The following PDGFRL variants were observed in gnomAD, a reference collection of about 807,000 sequenced individuals.
PDGFRL encodes platelet-derived growth factor receptor-like protein.
A neutral mutation model predicts 37.2 loss-of-function variants in PDGFRL; 46 were observed. The observed-to-expected ratio is 1.24, with a 90% confidence interval of 0.98 to 1.58. The LOEUF (loss-of-function observed/expected upper bound fraction) is 1.58, where lower values mean the gene tolerates loss of function less well. Among genes scored for constraint, PDGFRL ranks in the 40% most tolerant of loss-of-function variants. The pLI is 0.00. For synonymous variants in PDGFRL, 251 were observed against 184.3 expected, an observed-to-expected ratio of 1.36 and a Z score of -2.93; for missense variants, 692 against 467.6, an observed-to-expected ratio of 1.48 and a Z score of -4.43.
At position 17,621,068 on chromosome 8, in the gene PDGFRL, G is replaced by T. The variant is rs117978645; in HGVS notation, c.371G>T (p.Arg124Leu). The T allele has an allele frequency of 1.2e-6, 2 of 1,608,208 alleles. No homozygotes were observed. The highest frequency in any genetic ancestry group is 1.7e-6 in the Non-Finnish European group (2 of 1,176,098). Residue 124 changes from arginine (R) to leucine (L), a missense_variant, in exon 3 of 6, where the codon CGC becomes CTC. Arg to Leu is a moderately radical substitution (Grantham distance 102, BLOSUM62 -2). Transcript: ENST00000251630. ...ATTCCTAGCGTCAAGCAGAATGAGC[G>T]CTACGGCCAGTTGACTCTGGTCAAC... ...DSRLSVKQNE[R>L]YGQLTLVNST...
intron 1 of PDGFRL, among the ~76,000 whole-genome samples, chr8:17,583,683 C>G (rs367849744): frequency 1.7e-4 from 26 of 152,216 alleles, no homozygotes; most frequent in African/African-American, 5.8e-4. Flanking sequence ...GGGGTGGACC[C>G]CTCATGAATG....
At chr8:17,616,846 C>A (rs984751309) in intron 2 of PDGFRL, among the ~76,000 whole-genome samples, 3 of 152,180 alleles carry the variant, frequency 2.0e-5, no homozygotes, top group African/African-American at 7.2e-5. Flanking sequence ...GAATCATTAT[C>A]TTGTAACCCA....
In PDGFRL at chr8:17,589,668, C is replaced by A. The variant is rs1803891740; in HGVS notation, c.256C>A (p.Leu86Met). Residue 86 changes from leucine (L) to methionine (M), a missense_variant, in exon 2 of 6, where the codon CTG (leucine) becomes ATG (methionine). By Grantham distance (15) the Leu-to-Met change is conservative (BLOSUM62 2). Coordinates refer to ENST00000251630, the MANE Select transcript of PDGFRL (RefSeq NM_001372073.1). The part of the protein sequence containing the change: ...RFQKPAATLS[L>M]LAGQTVELRC... ...CCAGAAACCCGCCGCTACCCTGAGTCTGCTGGCGGGGCAAACTGTAGAGCT... is the reference window on the plus strand; with the variant it reads ...CCAGAAACCCGCCGCTACCCTGAGTATGCTGGCGGGGCAAACTGTAGAGCT... The A allele has an allele frequency of 6.2e-7, 1 of 1,613,042 alleles. No individual in the cohort carries two copies. Among genetic ancestry groups the A allele is most frequent in the Non-Finnish European group, 8.5e-7 (1 of 1,179,124 alleles).
rs150807285 is a variant in PDGFRL at position 17,588,007 on chromosome 8, G to A, written c.56-1461G>A. 1.7e-3 allele frequency among the ~76,000 whole-genome samples: 259 copies of A among 152,134 alleles called. 1 individual carries two copies. In the Middle Eastern group the frequency reaches 0.02, roughly 12 times the overall value. ...GGCTTAGCTGAGATTTTTAGAGTCC[G>A]GTGGCCCACCACAGGCAGAACAGTG... On this transcript the variant is annotated intron_variant, in intron 1 of 5. Coordinates refer to ENST00000251630, the MANE Select transcript of PDGFRL (RefSeq NM_001372073.1).
At chr8:17,625,585 T>C (rs1804717809) in intron 3 of PDGFRL, among the ~76,000 whole-genome samples, 1 of 152,246 alleles carries the variant, frequency 6.6e-6, no homozygotes, top group Non-Finnish European at 1.5e-5. Context: ...ACTTCAACAC[T>C]TTGTTATTGT....
chr8:17,626,893 G>C (rs978985875), intron 3 of PDGFRL, among the ~76,000 whole-genome samples: 4 of 152,180 alleles, frequency 2.6e-5, no homozygotes, highest in African/African-American at 7.2e-5. Context: ...ACCAGGCAGA[G>C]TAATTTCAGA....
Position 17,621,159 on chromosome 8 carries a change from G to T in PDGFRL, c.462G>T (p.Arg154Ser), listed in dbSNP as rs199746486. 4 of 1,611,298 alleles carry T rather than the reference G, an allele frequency of 2.5e-6. No homozygotes were observed. Among genetic ancestry groups the T allele is most frequent in the Middle Eastern group, 3.3e-4 (2 of 6,032 alleles). Reference protein sequence around the residue: ...WVQLCSGYICRKDEAKTGSTY... With the variant: ...WVQLCSGYICSKDEAKTGSTY... ...AGCTCTGCAGCGGCTACATCTGCAGGAAGGACGAGGCCAAAACGGGCTCCA... is the reference window on the plus strand; with the variant it reads ...AGCTCTGCAGCGGCTACATCTGCAGTAAGGACGAGGCCAAAACGGGCTCCA... Residue 154 changes from arginine to serine, a missense_variant, in exon 3 of 6, where the codon AGG becomes AGT. Transcript: ENST00000251630.
At chr8:17,613,202 C>T (rs1428765918) in intron 2 of PDGFRL, among the ~76,000 whole-genome samples, 1 of 152,118 alleles carries the variant, frequency 6.6e-6, no homozygotes, top group African/African-American at 2.4e-5. Context: ...ATTTTAAGGC[C>T]TTTGTTCCAG....
Position 17,621,172 on chromosome 8 carries a change from A to C in PDGFRL, c.475A>C (p.Lys159Gln). Residue 159 changes from lysine (K) to glutamine (Q), a missense_variant, in exon 3 of 6, where the codon AAA (lysine) becomes CAA (glutamine). Physicochemically the swap from Lys to Gln is moderately conservative, Grantham distance 53 (BLOSUM62 1). Coordinates refer to ENST00000251630, the MANE Select transcript of PDGFRL (RefSeq NM_001372073.1). ...SGYICRKDEA[K>Q]TGSTYIFFTE... Reference sequence around the variant, plus strand: ...CTACATCTGCAGGAAGGACGAGGCCAAAACGGGCTCCACCTACATCTTTTT... The same window carrying C: ...CTACATCTGCAGGAAGGACGAGGCCCAAACGGGCTCCACCTACATCTTTTT... 6.2e-7 allele frequency: 1 copy of C among 1,610,104 alleles called. No individual in the cohort carries two copies. The highest frequency in any genetic ancestry group is 8.5e-7 in the Non-Finnish European group (1 of 1,177,308).
At chr8:17,580,986 A>G (rs569164650) in intron 1 of PDGFRL, among the ~76,000 whole-genome samples, 1 of 151,994 alleles carries the variant, frequency 6.6e-6, no homozygotes, top group African/African-American at 2.4e-5. Flanking sequence ...TCCTCATAAG[A>G]ACATCAGTCC....
chr8:17,628,104 C>T (rs1804772412), intron 3 of PDGFRL, among the ~76,000 whole-genome samples: 1 of 149,162 alleles, frequency 6.7e-6, no homozygotes, highest in Non-Finnish European at 1.5e-5. Flanking sequence ...CGCCATTTTC[C>T]TGCCTCAGCC....
intron 5 of PDGFRL, among the ~76,000 whole-genome samples, chr8:17,641,527 C>T (rs573604926): frequency 6.6e-6 from 1 of 152,312 alleles, no homozygotes; most frequent in East Asian, 1.9e-4. Flanking sequence ...AAGCTGTGCC[C>T]ATGGCAAGCT....
intron 1 of PDGFRL, among the ~76,000 whole-genome samples, chr8:17,587,820 G>A (rs1803848590): frequency 6.6e-6 from 1 of 152,068 alleles, no homozygotes; most frequent in South Asian, 2.1e-4. Context: ...AGTAGAGATG[G>A]GGTTTCGCCA....
At chr8:17,599,955 C>T (rs1254010231) in intron 2 of PDGFRL, among the ~76,000 whole-genome samples, 2 of 152,118 alleles carry the variant, frequency 1.3e-5, no homozygotes, top group Non-Finnish European at 2.9e-5. Flanking sequence ...TCTGGATCAT[C>T]AACATCTCCT....
At chr8:17,640,365 C>T (rs4921797) in intron 5 of PDGFRL, among the ~76,000 whole-genome samples, 124,777 of 152,086 alleles carry the variant, frequency 0.82, 52,132 homozygotes, top group Non-Finnish European at 0.91. Context: ...TTTTGAAATA[C>T]TACCAGAATT....
rs765578804 is a variant in PDGFRL, at chr8:17,628,608, G to T, written c.627G>T (p.Arg209Ser). ...TVLSAKVTLHREFPAKEIPAN... is the reference protein window; with the variant it reads ...TVLSAKVTLHSEFPAKEIPAN... Reference sequence around the variant, plus strand: ...TGTCGGCCAAAGTCACGCTCCACAGGGAATTCCCAGCCAAGGAGATCCCAG... The same window carrying T: ...TGTCGGCCAAAGTCACGCTCCACAGTGAATTCCCAGCCAAGGAGATCCCAG... Residue 209 changes from arginine to serine, a missense_variant, in exon 4 of 6, where the codon AGG becomes AGT. Physicochemically the swap from Arg to Ser is moderately radical, Grantham distance 110 (BLOSUM62 -1). Coordinates refer to ENST00000251630, the MANE Select transcript of PDGFRL (RefSeq NM_001372073.1). The T allele has an allele frequency of 2.6e-5, 42 of 1,614,042 alleles. No homozygotes were observed. The East Asian group carries it at 6.2e-4, about 24-fold the overall frequency.
At chr8:17,630,866 TCTC>T (rs1172181288) in intron 4 of PDGFRL, among the ~76,000 whole-genome samples, 1 of 152,068 alleles carries the variant, frequency 6.6e-6, no homozygotes, top group African/African-American at 2.4e-5. Flanking sequence ...AGCCTCGCCT[TCTC>T]CTGGACCCTC....
chr8:17,617,265 C>A (rs145870062), intron 2 of PDGFRL, among the ~76,000 whole-genome samples: 1 of 152,184 alleles, frequency 6.6e-6, no homozygotes, highest in African/African-American at 2.4e-5. Context: ...GATGTGTTGG[C>A]GTGTTCAGAG....
At chr8:17,642,091 C>G (rs1180359052) in intron 5 of PDGFRL, among the ~76,000 whole-genome samples, 1 of 152,134 alleles carries the variant, frequency 6.6e-6, no homozygotes, top group African/African-American at 2.4e-5. Flanking sequence ...CTTGGTACAA[C>G]TTTTCTCCCA....
Sources: gnomAD v4.1 joint callset for allele counts (sites outside exome capture counted in the v4.1 genomes callset) on GRCh38, gnomAD v4.1.1 for gene constraint, MANE v1.5 for transcripts, NCBI Gene and HGNC (gene_info 2026-07-23, HGNC 2026-07-21) for gene names.